KLHL13: variants seen among roughly 807,000 people sequenced by gnomAD.
KLHL13 encodes the protein kelch-like protein 13.
KLHL13 carries 10 observed loss-of-function variants against 37.1 expected under a neutral mutation model. The observed-to-expected ratio is 0.27, with a 90% CI of 0.17 to 0.46. The LOEUF (loss-of-function observed/expected upper bound fraction) is 0.46, where lower values mean the gene tolerates loss of function less well. Ranked by LOEUF, KLHL13 falls within the 20% of genes least tolerant of loss-of-function variation. The probability of loss-of-function intolerance (pLI) is 1.00; values close to 1 mark genes in which losing one functional copy is unlikely to be tolerated. For synonymous variants in KLHL13, 163 were observed against 181.2 expected, an observed-to-expected ratio of 0.90 and a Z score of 0.81; for missense variants, 360 against 509.3, an observed-to-expected ratio of 0.71 and a Z score of 2.82.
intron 1 of KLHL13, among the ~76,000 whole-genome samples, chrX:118,034,231 C>T (rs1473429393): frequency 9.5e-6 from 1 of 105,513 alleles, no homozygotes; most frequent in Admixed American, 1.0e-4. Context: ...CAGCTCTGCA[C>T]CAAGCAGACC....
intron 1 of KLHL13, among the ~76,000 whole-genome samples, chrX:118,086,748 G>C (rs965171591): frequency 9.0e-6 from 1 of 111,527 alleles, no homozygotes; most frequent in Admixed American, 9.6e-5. Flanking sequence ...CCTCCAGAGA[G>C]AGAAGACTTA....
chrX:117,938,365 C>T (rs1051601579), intron 2 of KLHL13, among the ~76,000 whole-genome samples: 5 of 111,242 alleles, frequency 4.5e-5, no homozygotes, highest in African/African-American at 1.3e-4. Flanking sequence ...GGCCATGACT[C>T]GGTGGAAGAA....
chrX:117,946,603 T>G (rs1191091070), intron 1 of KLHL13: 1 of 112,347 alleles, frequency 8.9e-6, no homozygotes, highest in African/African-American at 3.2e-5. Context: ...AATTTGGTTC[T>G]GCATTCATGA....
At chrX:118,001,868 CAAAA>C (rs35056707) in intron 1 of KLHL13, among the ~76,000 whole-genome samples, 3 of 41,723 alleles carry the variant, frequency 7.2e-5, no homozygotes, top group African/African-American at 1.5e-4. Flanking sequence ...AAGACCCCGT[CAAAA>C]AAAAAAAAAA....
intron 3 of KLHL13, among the ~76,000 whole-genome samples, 180 bp from the exon 5 acceptor site, chrX:117,919,897 T>C (rs1356675452): frequency 9.1e-6 from 1 of 109,548 alleles, no homozygotes; most frequent in Non-Finnish European, 1.9e-5. Flanking sequence ...ATAATCTCTA[T>C]ACTAATGGAG....
At chrX:118,005,630 T>C (rs770194139) in intron 1 of KLHL13, among the ~76,000 whole-genome samples, 1 of 111,553 alleles carries the variant, frequency 9.0e-6, no homozygotes, top group South Asian at 3.8e-4. Context: ...GACCCAGCAC[T>C]GCTGGCTTCG....
At chrX:118,013,459 G>A (rs191324872) in intron 1 of KLHL13, among the ~76,000 whole-genome samples, 1 of 112,262 alleles carries the variant, frequency 8.9e-6, no homozygotes, top group African/African-American at 3.2e-5. Context: ...ATGGAAAGCA[G>A]CAATGGAAAT....
chrX:117,910,096 C>T, exon 5 of KLHL13: 1 of 1,137,806 alleles, frequency 8.8e-7, no homozygotes, highest in East Asian at 3.0e-5. Context: ...TCTAAAGTGA[C>T]CTATTAAGCC....
At chrX:117,912,769 C>A (rs1188496511) in intron 4 of KLHL13, among the ~76,000 whole-genome samples, 1 of 111,346 alleles carries the variant, frequency 9.0e-6, no homozygotes, top group Non-Finnish European at 1.9e-5. Flanking sequence ...TTTTTGTAGG[C>A]ACATAGTTGG....
chrX:117,964,333 C>T (rs1049074896), intron 1 of KLHL13, among the ~76,000 whole-genome samples: 1 of 112,074 alleles, frequency 8.9e-6, no homozygotes, highest in Non-Finnish European at 1.9e-5. Flanking sequence ...AATCCATTAT[C>T]AATATTGAAA....
exon 5 of KLHL13, chrX:117,909,301 G>A (rs201987772): frequency 5.1e-6 from 6 of 1,167,436 alleles, no homozygotes; most frequent in East Asian, 3.0e-5. Flanking sequence ...ATGCACTTAC[G>A]CAGTTCACCT....
At chrX:117,968,052 T>C (rs2053466117) in intron 1 of KLHL13, among the ~76,000 whole-genome samples, 1 of 112,360 alleles carries the variant, frequency 8.9e-6, no homozygotes, top group Non-Finnish European at 1.9e-5. Context: ...AAATGTAGTG[T>C]CTTACATAAA....
At chrX:118,042,512 T>C (rs2054515554) in intron 1 of KLHL13, among the ~76,000 whole-genome samples, 1 of 112,051 alleles carries the variant, frequency 8.9e-6, no homozygotes, top group Admixed American at 9.5e-5. Flanking sequence ...GCATCTTCTC[T>C]GACCACAATA....
intron 1 of KLHL13, among the ~76,000 whole-genome samples, chrX:118,027,788 A>T: frequency 9.0e-6 from 1 of 111,258 alleles, no homozygotes; most frequent in Non-Finnish European, 1.9e-5. Flanking sequence ...AATGACTACG[A>T]AACTTGCCCA....
intron 2 of KLHL13, among the ~76,000 whole-genome samples, chrX:117,926,294 G>C (rs1932012574): frequency 9.0e-6 from 1 of 111,380 alleles, no homozygotes; most frequent in Non-Finnish European, 1.9e-5. Flanking sequence ...TGGGAACCCA[G>C]GCAAAACCTA....
chrX:118,031,555 TTTAGTTATATATATA>T (rs1269094995), intron 1 of KLHL13, among the ~76,000 whole-genome samples: 3 of 84,353 alleles, frequency 3.6e-5, no homozygotes, highest in African/African-American at 9.6e-5. Context: ...TATATATATA[TTTAGTTATATATATA>T]TTAGTTATAT....
chrX:117,946,299 A>C (rs2147804995), intron 1 of KLHL13: 1 of 112,104 alleles, frequency 8.9e-6, no homozygotes, highest in East Asian at 2.8e-4. Flanking sequence ...TTTTCAAAGA[A>C]ATGAATACTA....
At chrX:118,004,532 A>G (rs768070703) in intron 1 of KLHL13, among the ~76,000 whole-genome samples, 32 of 112,086 alleles carry the variant, frequency 2.9e-4, no homozygotes, top group African/African-American at 1.0e-3. Flanking sequence ...TGTGAAAAAG[A>G]TACATAAACC....
chrX:118,085,796 G>GGTGTGTGTGTGTGT (rs4025518), intron 1 of KLHL13, among the ~76,000 whole-genome samples: 14 of 85,624 alleles, frequency 1.6e-4, no homozygotes, highest in East Asian at 8.1e-4. Flanking sequence ...AATATTCCAT[G>GGTGTGTGTGTGTGT]GTGTGTGTGT....
Sources: gnomAD v4.1 joint callset for allele counts (sites outside exome capture counted in the v4.1 genomes callset) on GRCh38, gnomAD v4.1.1 for gene constraint, MANE v1.5 for transcripts, NCBI Gene and HGNC (gene_info 2026-07-23, HGNC 2026-07-21) for gene names.